KAZN: variants seen among roughly 807,000 people sequenced by gnomAD.
KAZN encodes the protein kazrin.
In KAZN, 40 loss-of-function variants were observed where a neutral mutation model predicts 87.4. That is an observed-to-expected ratio of 0.46 (90% CI 0.36 to 0.60). The LOEUF is 0.60. KAZN is among the 20% of genes least tolerant of loss of function. KAZN has a pLI of 0.00. For missense variants in KAZN, 898 were observed against 1,073.9 expected (o/e 0.84, Z 2.29); for synonymous variants, 466 against 458.3 (o/e 1.02, Z -0.22).
chr1:14,610,464 C>A (rs1243262580), intron 1 of KAZN, among the ~76,000 whole-genome samples: 6 of 151,846 alleles, frequency 4.0e-5, no homozygotes, highest in Non-Finnish European at 7.4e-5. Context: ...ACCTCGTGAT[C>A]GACCCACCTC....
chr1:14,968,344 G>A (rs1216310193), intron 2 of KAZN, among the ~76,000 whole-genome samples: 2 of 152,112 alleles, frequency 1.3e-5, no homozygotes, highest in Non-Finnish European at 2.9e-5. Context: ...TGAGTGATGG[G>A]GAGCAGCTGT....
At chr1:14,146,963 CCTT>C (rs1203186972) in intron 1 of KAZN, among the ~76,000 whole-genome samples, 1 of 152,070 alleles carries the variant, frequency 6.6e-6, no homozygotes, top group Non-Finnish European at 1.5e-5. Context: ...CAACCTCTCC[CCTT>C]CTTTCTCATT....
chr1:14,858,203 C>CTTTTTTTTTTTTTTTTTT (rs1388659468), intron 1 of KAZN, among the ~76,000 whole-genome samples: 4 of 95,100 alleles, frequency 4.2e-5, no homozygotes, highest in African/African-American at 1.1e-4. Flanking sequence ...TTTCTTTTTT[C>CTTTTTTTTTTTTTTTTTT]TTTTTCTTTT....
intron 2 of KAZN, among the ~76,000 whole-genome samples, chr1:14,485,594 C>T (rs984773480): frequency 7.9e-5 from 12 of 152,198 alleles, no homozygotes; most frequent in Admixed American, 3.9e-4. Context: ...TTAATCTGCA[C>T]GCAATTAAAA....
chr1:14,999,882 G>A (rs1025476290), intron 2 of KAZN, among the ~76,000 whole-genome samples: 17 of 152,228 alleles, frequency 1.1e-4, no homozygotes, highest in African/African-American at 2.2e-4. Context: ...ACTTCTTCCC[G>A]CCTGCTGGTC....
At chr1:14,970,433 G>T (rs1664905746) in intron 2 of KAZN, among the ~76,000 whole-genome samples, 1 of 152,202 alleles carries the variant, frequency 6.6e-6, no homozygotes, top group Admixed American at 6.5e-5. Context: ...TCCAGAACCT[G>T]CCCTGAAGTC....
In KAZN at chr1:15,060,568, G is replaced by A. The variant is rs75472138; in HGVS notation, c.1047+266G>A. 48 of 476,790 alleles carry A rather than the reference G, an allele frequency of 1.0e-4. No homozygotes were observed. The East Asian group carries it at 1.5e-3, about 15-fold the overall frequency. 29.5% of individuals were successfully genotyped at this position (476,790 alleles called of 1,614,324 possible). A position where few individuals can be genotyped will look rare whatever the true frequency, so the allele number is the denominator to read the frequency against. On this transcript the variant is annotated intron_variant, in intron 6 of 14. Coordinates refer to ENST00000376030, the MANE Select transcript of KAZN (RefSeq NM_201628.3). ...CCTGGGTCGGCCGCAGGCACAGCCT[G>A]GAACTCTGCCCCAGTGGGCCCTGTC... is the stretch of plus-strand genomic sequence containing the variant.
intron 2 of KAZN, among the ~76,000 whole-genome samples, chr1:14,540,129 G>A (rs1672722629): frequency 6.6e-6 from 1 of 152,178 alleles, no homozygotes; most frequent in South Asian, 2.1e-4. Context: ...GAAATATGAT[G>A]TCACTTCACT....
intron 1 of KAZN, among the ~76,000 whole-genome samples, chr1:13,924,763 A>ATTGATGTCT (rs1339665558): frequency 6.6e-6 from 1 of 152,098 alleles, no homozygotes; most frequent in Non-Finnish European, 1.5e-5. Flanking sequence ...CCATACGTTG[A>ATTGATGTCT]TTGATGTCTT....
At chr1:14,849,007 T>A (rs1649118097) in intron 1 of KAZN, among the ~76,000 whole-genome samples, 1 of 152,108 alleles carries the variant, frequency 6.6e-6, no homozygotes, top group Admixed American at 6.5e-5. Context: ...TCACTGGGAA[T>A]TGAGGTTGGG....
intron 1 of KAZN, among the ~76,000 whole-genome samples, chr1:13,908,653 C>T (rs140178049): frequency 8.1e-4 from 123 of 152,314 alleles, no homozygotes; most frequent in Middle Eastern, 3.4e-3. Flanking sequence ...CACTGATAAA[C>T]GAACTGGGCA....
chr1:13,897,253 T>C (rs1018236502), intron 1 of KAZN, among the ~76,000 whole-genome samples: 2 of 152,194 alleles, frequency 1.3e-5, no homozygotes, highest in Non-Finnish European at 2.9e-5. Flanking sequence ...ATAATACTTA[T>C]TATCTGGCTC....
At chr1:14,668,269 C>G (rs1460224288) in intron 1 of KAZN, among the ~76,000 whole-genome samples, 1 of 152,200 alleles carries the variant, frequency 6.6e-6, no homozygotes, top group African/African-American at 2.4e-5. Context: ...CTGGCCTGCT[C>G]TGTGGGAACC....
chr1:14,968,580 G>A (rs1031058173), intron 2 of KAZN, among the ~76,000 whole-genome samples: 2 of 152,186 alleles, frequency 1.3e-5, no homozygotes, highest in African/African-American at 2.4e-5. Flanking sequence ...CTTAGGACAC[G>A]TGAGGGTCAT....
intron 1 of KAZN, among the ~76,000 whole-genome samples, chr1:14,676,219 G>A (rs900239008): frequency 5.3e-5 from 8 of 152,204 alleles, no homozygotes; most frequent in African/African-American, 1.9e-4. Context: ...TTACCAAGAA[G>A]ATGATCTTTA....
intron 1 of KAZN, among the ~76,000 whole-genome samples, chr1:13,935,367 G>A (rs1210313228): frequency 1.3e-5 from 2 of 152,170 alleles, no homozygotes; most frequent in Non-Finnish European, 2.9e-5. Context: ...TGCAGAAAGT[G>A]ATGCAAGAGA....
At chr1:14,586,157 T>G (rs573769738) in intron 2 of KAZN, among the ~76,000 whole-genome samples, 1 of 152,326 alleles carries the variant, frequency 6.6e-6, no homozygotes, top group African/African-American at 2.4e-5. Context: ...GGTTGCCAAG[T>G]TTGCTATCAG....
chr1:13,970,712 A>T (rs979778190), intron 1 of KAZN, among the ~76,000 whole-genome samples: 1 of 152,188 alleles, frequency 6.6e-6, no homozygotes, highest in Non-Finnish European at 1.5e-5. Flanking sequence ...GCCAATGCCT[A>T]TTCTTAACAA....
At chr1:14,036,588 C>T (rs77012349) in intron 1 of KAZN, among the ~76,000 whole-genome samples, 164 of 151,996 alleles carry the variant, frequency 1.1e-3, no homozygotes, top group African/African-American at 3.9e-3. Flanking sequence ...TCACTTGATC[C>T]CAGGAGTATG....
Sources: allele counts gnomAD v4.1 joint callset (sites outside exome capture counted in the v4.1 genomes callset), GRCh38; gene constraint gnomAD v4.1.1; transcripts MANE v1.5; gene names NCBI Gene and HGNC (gene_info 2026-07-23, HGNC 2026-07-21).